MTUS2: variants seen among roughly 807,000 people sequenced by gnomAD.
MTUS2 encodes microtubule-associated tumor suppressor candidate 2.
A neutral mutation model predicts 114.1 loss-of-function variants in MTUS2; 40 were observed. That is an observed-to-expected ratio of 0.35 (90% CI 0.27 to 0.46). The LOEUF is 0.46. Among genes scored for constraint, MTUS2 ranks in the 20% least tolerant of loss-of-function variants. MTUS2 has a pLI of 1.00. For missense variants in MTUS2, 1,679 were observed against 1,705.4 expected (o/e 0.98, Z 0.27); for synonymous variants, 688 against 672.0 (o/e 1.02, Z -0.37).
At chr13:29,079,473 T>C (rs1396367515) in intron 4 of MTUS2, among the ~76,000 whole-genome samples, 1 of 152,202 alleles carries the variant, frequency 6.6e-6, no homozygotes, top group East Asian at 1.9e-4. Flanking sequence ...ATGTCATAGC[T>C]AAGAAACCAT....
At chr13:29,446,142 C>T (rs975304069) in intron 9 of MTUS2, among the ~76,000 whole-genome samples, 4 of 152,098 alleles carry the variant, frequency 2.6e-5, no homozygotes, top group Non-Finnish European at 5.9e-5. Context: ...TCCTACCACT[C>T]GAAAAACTCC....
chr13:29,042,137 C>T (rs1887393472), intron 4 of MTUS2, among the ~76,000 whole-genome samples: 1 of 151,976 alleles, frequency 6.6e-6, no homozygotes, highest in Admixed American at 6.6e-5. Flanking sequence ...TAAAGTATGT[C>T]CTTTCCGTGC....
intron 5 of MTUS2, among the ~76,000 whole-genome samples, chr13:29,219,586 G>A (rs554184506): frequency 5.0e-4 from 76 of 152,290 alleles, no homozygotes; most frequent in Non-Finnish European, 9.8e-4. Flanking sequence ...TTTGAAGCCA[G>A]GCATTGACTT....
At chr13:29,295,022 C>T (rs1222150265) in intron 6 of MTUS2, among the ~76,000 whole-genome samples, 6 of 152,164 alleles carry the variant, frequency 3.9e-5, no homozygotes, top group Non-Finnish European at 7.3e-5. Flanking sequence ...CACAATGAGG[C>T]ACAGGTTTCC....
intron 7 of MTUS2, among the ~76,000 whole-genome samples, chr13:29,326,614 A>T (rs1235330248): frequency 6.6e-6 from 1 of 152,168 alleles, no homozygotes; most frequent in Non-Finnish European, 1.5e-5. Context: ...AGAATACAAT[A>T]AGATATTAGA....
intron 2 of MTUS2, among the ~76,000 whole-genome samples, chr13:28,975,357 G>A (rs1212443700): frequency 6.6e-6 from 1 of 152,242 alleles, no homozygotes; most frequent in African/African-American, 2.4e-5. Context: ...CATGGTCAGT[G>A]GGGTCTTTGC....
At chr13:28,849,432 C>G (rs969178357) in intron 2 of MTUS2, among the ~76,000 whole-genome samples, 1 of 152,292 alleles carries the variant, frequency 6.6e-6, no homozygotes, top group African/African-American at 2.4e-5. Flanking sequence ...TGGTCTACAG[C>G]CACAGAGGAA....
chr13:29,036,944 G>A (rs1172044951), intron 4 of MTUS2, among the ~76,000 whole-genome samples: 1 of 151,858 alleles, frequency 6.6e-6, no homozygotes, highest in African/African-American at 2.4e-5. Context: ...GCACACTGAT[G>A]GGTCTTGATT....
intron 2 of MTUS2, among the ~76,000 whole-genome samples, chr13:29,016,351 A>T (rs1886066387): frequency 6.6e-6 from 1 of 150,682 alleles, no homozygotes. Flanking sequence ...CCTGGAAAGG[A>T]CTTTTTTTTT....
intron 8 of MTUS2, among the ~76,000 whole-genome samples, chr13:29,422,929 C>G (rs549364972): frequency 6.6e-6 from 1 of 152,184 alleles, no homozygotes; most frequent in Non-Finnish European, 1.5e-5. Context: ...CACGCCCAGC[C>G]CATGGTTTCT....
intron 1 of MTUS2, among the ~76,000 whole-genome samples, chr13:28,829,464 G>A (rs746560222): frequency 3.3e-5 from 5 of 152,026 alleles, no homozygotes; most frequent in Non-Finnish European, 5.9e-5. Flanking sequence ...CCCGGGAGGT[G>A]GAGGTTGCAG....
intron 5 of MTUS2, among the ~76,000 whole-genome samples, chr13:29,127,323 C>G (rs1891562394): frequency 6.6e-6 from 1 of 152,176 alleles, no homozygotes; most frequent in African/African-American, 2.4e-5. Context: ...TCACTGGACA[C>G]TCATTTAGGC....
intron 2 of MTUS2, among the ~76,000 whole-genome samples, chr13:28,866,339 G>A (rs530554057): frequency 1.3e-5 from 2 of 152,294 alleles, no homozygotes; most frequent in East Asian, 1.9e-4. Context: ...AGGTATCAGA[G>A]CATCCTTTTC....
chr13:28,997,529 C>T (rs1388904693), intron 2 of MTUS2, among the ~76,000 whole-genome samples: 1 of 152,128 alleles, frequency 6.6e-6, no homozygotes, highest in Admixed American at 6.5e-5. Context: ...GAGCCTAAGT[C>T]TCTTTGTAGG....
chr13:29,088,089 T>C (rs1889778216), intron 4 of MTUS2, among the ~76,000 whole-genome samples: 2 of 151,024 alleles, frequency 1.3e-5, no homozygotes, highest in South Asian at 4.2e-4. Flanking sequence ...AAAAGAATTT[T>C]CTAACTTTCT....
At chr13:28,985,803 G>A (rs544490927) in intron 2 of MTUS2, among the ~76,000 whole-genome samples, 2 of 152,146 alleles carry the variant, frequency 1.3e-5, no homozygotes, top group South Asian at 4.2e-4. Context: ...GATGTGGGTG[G>A]GCCTCATCCA....
In MTUS2 at chr13:28,926,546, G is replaced by A. The variant is rs142869350; in HGVS notation, c.-243+86696G>A. On this transcript the variant is annotated intron_variant, in intron 2 of 15. Transcript: ENST00000612955. ...TTAATTTTAATTAAGTAAATTCCCC[G>A]TCACGTTTTAATCACATAAACTCAG... Among the ~76,000 whole-genome samples the A allele has an allele frequency of 5.8e-4, 89 of 152,186 alleles. 2 individuals carry two copies. In the South Asian group the frequency reaches 0.014, roughly 23 times the overall value.
intron 7 of MTUS2, among the ~76,000 whole-genome samples, chr13:29,353,487 G>A (rs746502156): frequency 9.9e-5 from 15 of 151,978 alleles, no homozygotes; most frequent in Non-Finnish European, 2.2e-4. Flanking sequence ...TTTTTATACA[G>A]GTGGGGTCTT....
intron 10 of MTUS2, among the ~76,000 whole-genome samples, chr13:29,481,594 T>G (rs1324566178): frequency 2.0e-5 from 3 of 152,170 alleles, no homozygotes; most frequent in Non-Finnish European, 4.4e-5. Flanking sequence ...TGGGCTACCC[T>G]CCTCGGCTGC....
Sources: gnomAD v4.1 joint callset for allele counts (sites outside exome capture counted in the v4.1 genomes callset) on GRCh38, gnomAD v4.1.1 for gene constraint, MANE v1.5 for transcripts, NCBI Gene and HGNC (gene_info 2026-07-23, HGNC 2026-07-21) for gene names.